RBFOX1: variants seen among roughly 807,000 people sequenced by gnomAD.
RBFOX1 encodes RNA binding fox-1 homolog 1.
RBFOX1 carries 8 observed loss-of-function variants against 57.7 expected under a neutral mutation model. The observed-to-expected ratio is 0.14, with a 90% CI of 0.08 to 0.25. The LOEUF (loss-of-function observed/expected upper bound fraction) is 0.25, where lower values mean the gene tolerates loss of function less well. Among genes scored for constraint, RBFOX1 ranks in the 10% least tolerant of loss-of-function variants. The pLI is 1.00. For synonymous variants in RBFOX1, 326 were observed against 222.4 expected, an observed-to-expected ratio of 1.47 and a Z score of -4.15; for missense variants, 611 against 548.5, an observed-to-expected ratio of 1.11 and a Z score of -1.14.
chr16:7,661,455 T>C (rs148682807), intron 12 of RBFOX1, among the ~76,000 whole-genome samples: 17 of 152,276 alleles, frequency 1.1e-4, no homozygotes, highest in African/African-American at 3.9e-4. Flanking sequence ...TTGACAGCAC[T>C]TCACTCCTCT....
At chr16:6,933,965 T>C (rs7359409) in intron 3 of RBFOX1, among the ~76,000 whole-genome samples, 2,078 of 152,254 alleles carry the variant, frequency 0.014, 47 homozygotes, top group African/African-American at 0.047. Flanking sequence ...AAAGTACTTA[T>C]CACTAAAGTT....
At chr16:5,865,270 G>A (rs901275583) in intron 3 of RBFOX1, among the ~76,000 whole-genome samples, 3 of 152,184 alleles carry the variant, frequency 2.0e-5, no homozygotes, top group Non-Finnish European at 1.5e-5. Context: ...GTAGCCCAGG[G>A]ATCTTGTGTG....
At chr16:7,596,355 C>T (rs1054083213) in intron 8 of RBFOX1, among the ~76,000 whole-genome samples, 1 of 151,530 alleles carries the variant, frequency 6.6e-6, no homozygotes, top group African/African-American at 2.4e-5. Flanking sequence ...GCCACAGGGT[C>T]ATATTTGTTA....
intron 4 of RBFOX1, among the ~76,000 whole-genome samples, chr16:7,465,379 C>T (rs753376638): frequency 2.0e-5 from 3 of 152,182 alleles, no homozygotes; most frequent in African/African-American, 7.2e-5. Flanking sequence ...TTGGCTGCTT[C>T]ATTTGTTCTT....
rs114214217 is a variant in RBFOX1 at position 5,638,789 on chromosome 16, A to C, written c.318+39828A>C. The stretch of plus-strand genomic sequence containing the variant: ...TGGTTCAGAGACATCTGAGGAAGGG[A>C]AAAGAGCAGCCTTAAGTTCTGGGCT... On this transcript the variant is annotated intron_variant, in intron 3 of 19. Coordinates refer to the RBFOX1 transcript ENST00000641259. Among the ~76,000 whole-genome samples, 1,381 of 152,234 alleles carry C rather than the reference A, an allele frequency of 9.1e-3. 30 individuals carry two copies. Among genetic ancestry groups the C allele is most frequent in the African/African-American group, 0.032 (1,327 of 41,534 alleles).
chr16:6,936,084 C>T (rs1485850790), intron 3 of RBFOX1, among the ~76,000 whole-genome samples: 35 of 152,138 alleles, frequency 2.3e-4, no homozygotes, highest in Admixed American at 3.9e-4. Context: ...GCGGGCATTT[C>T]CTTAGATCTG....
chr16:5,443,901 C>T (rs1304145767), intron 1 of RBFOX1, among the ~76,000 whole-genome samples: 1 of 151,986 alleles, frequency 6.6e-6, no homozygotes, highest in Non-Finnish European at 1.5e-5. Flanking sequence ...ATCTTATTTG[C>T]CGAGGGGAGA....
At chr16:6,734,955 C>T (rs2069723612) in intron 3 of RBFOX1, among the ~76,000 whole-genome samples, 1 of 152,088 alleles carries the variant, frequency 6.6e-6, no homozygotes, top group South Asian at 2.1e-4. Context: ...GCATGGGCAA[C>T]ACAGTGAGAC....
chr16:6,676,859 A>G (rs1335446112), intron 3 of RBFOX1, among the ~76,000 whole-genome samples: 2 of 151,458 alleles, frequency 1.3e-5, no homozygotes, highest in Non-Finnish European at 2.9e-5. Flanking sequence ...TATTTTTAGT[A>G]GAGACGGGGT....
intron 3 of RBFOX1, among the ~76,000 whole-genome samples, chr16:6,930,719 G>A (rs567624806): frequency 7.2e-5 from 11 of 152,124 alleles, no homozygotes; most frequent in African/African-American, 1.9e-4. Context: ...CTAATTCCCC[G>A]TTTTTAAAAT....
rs1157751312 is a variant in RBFOX1 at position 5,790,859 on chromosome 16, ATTTTTTTTTT to A, written c.319-76439_319-76430del. ...TTGGGGATGTAGATGGTGGGTCTTTATTTTTTTTTTTTTTGTTTTTTTTTTTTGAGACATG... is the reference window on the plus strand; with the variant it reads ...TTGGGGATGTAGATGGTGGGTCTTTATTTTGTTTTTTTTTTTTGAGACATG... On this transcript the variant is annotated intron_variant, in intron 3 of 19. Transcript: ENST00000641259. Among the ~76,000 whole-genome samples the A allele has an allele frequency of 4.6e-4, 52 of 112,988 alleles. No homozygotes were observed. The East Asian group carries it at 0.01, about 22-fold the overall frequency. The allele number at this position is 112,988 out of a possible 152,430, so 74.1% of individuals were successfully genotyped here. A position where few individuals can be genotyped will look rare whatever the true frequency, so the allele number is the denominator to read the frequency against.
chr16:7,209,601 CCT>C (rs2090712075), intron 4 of RBFOX1, among the ~76,000 whole-genome samples: 1 of 152,168 alleles, frequency 6.6e-6, no homozygotes, highest in South Asian at 2.1e-4. Context: ...AAAAATGGCT[CCT>C]CTTACCCATT....
chr16:6,183,949 C>G (rs939301434), intron 1 of RBFOX1, among the ~76,000 whole-genome samples: 2 of 152,104 alleles, frequency 1.3e-5, no homozygotes, highest in Non-Finnish European at 2.9e-5. Flanking sequence ...AAAGACATAC[C>G]TGAGAGTGGG....
intron 3 of RBFOX1, among the ~76,000 whole-genome samples, chr16:5,630,287 T>C (rs2048465973): frequency 6.6e-6 from 1 of 152,140 alleles, no homozygotes; most frequent in Admixed American, 6.5e-5. Flanking sequence ...TGAAACCCTG[T>C]GTCTACTAAA....
chr16:5,768,648 C>T (rs939089651), intron 3 of RBFOX1, among the ~76,000 whole-genome samples: 9 of 152,156 alleles, frequency 5.9e-5, no homozygotes, highest in Non-Finnish European at 8.8e-5. Flanking sequence ...TCTGTGCATT[C>T]CTCTTGCATC....
intron 3 of RBFOX1, among the ~76,000 whole-genome samples, chr16:6,715,201 C>T (rs1233872344): frequency 6.6e-6 from 1 of 152,044 alleles, no homozygotes; most frequent in African/African-American, 2.4e-5. Context: ...AAGGGCTAAA[C>T]CTTATCAGTC....
At chr16:5,285,874 C>G (rs1205686878) in intron 1 of RBFOX1, among the ~76,000 whole-genome samples, 1 of 152,108 alleles carries the variant, frequency 6.6e-6, no homozygotes, top group South Asian at 2.1e-4. Context: ...CGGGTTCAAG[C>G]GATTCTCCTG....
At chr16:5,278,068 G>C (rs775898090) in intron 1 of RBFOX1, among the ~76,000 whole-genome samples, 11 of 152,030 alleles carry the variant, frequency 7.2e-5, no homozygotes, top group Non-Finnish European at 1.0e-4. Flanking sequence ...TTAGTTTTTT[G>C]AGAAATCTCT....
At chr16:6,522,406 G>A (rs566847837) in intron 2 of RBFOX1, among the ~76,000 whole-genome samples, 1 of 152,068 alleles carries the variant, frequency 6.6e-6, no homozygotes, top group African/African-American at 2.4e-5. Flanking sequence ...TTTATCAGAA[G>A]GTACATAATG....
Sources: gnomAD v4.1 joint callset for allele counts (sites outside exome capture counted in the v4.1 genomes callset) on GRCh38, gnomAD v4.1.1 for gene constraint, MANE v1.5 for transcripts, NCBI Gene and HGNC (gene_info 2026-07-23, HGNC 2026-07-21) for gene names.